Variants in MRO observed in about 807,000 individuals in gnomAD.
MRO encodes the protein maestro.
Under a neutral mutation model 31.0 loss-of-function variants are expected in MRO, and 28 were observed. That is an observed-to-expected ratio of 0.90 (90% CI 0.67 to 1.24). The LOEUF is 1.24. MRO is among the 50% of genes most tolerant of loss of function. The pLI is 0.00. For missense variants in MRO, 332 were observed against 289.2 expected (o/e 1.15, Z -1.07); for synonymous variants, 108 against 108.4 (o/e 1.00, Z 0.02).
At chr18:50,822,451 G>A (rs559035445), upstream of MRO, among the ~76,000 whole-genome samples, 4 of 152,208 alleles carry the variant, frequency 2.6e-5, no homozygotes, top group South Asian at 8.3e-4. Context: ...CGAATCTTAC[G>A]CCTCAGCCTA....
At chr18:50,801,188 TAC>T (rs1305346927) in intron 6 of MRO, among the ~76,000 whole-genome samples, 159 bp downstream of exon 6, 1 of 152,128 alleles carries the variant, frequency 6.6e-6, no homozygotes, top group African/African-American at 2.4e-5. Flanking sequence ...AAAGAGAGAT[TAC>T]ACACCAAAGA....
intron 5 of MRO, among the ~76,000 whole-genome samples, chr18:50,804,656 G>A (rs1210079604): frequency 2.0e-5 from 3 of 152,000 alleles, no homozygotes; most frequent in Non-Finnish European, 2.9e-5. Context: ...GAGGGTTAGA[G>A]ATAAAATTCT....
upstream of MRO, among the ~76,000 whole-genome samples, chr18:50,823,297 G>A (rs1915377468): frequency 6.6e-6 from 1 of 152,110 alleles, no homozygotes; most frequent in African/African-American, 2.4e-5. Flanking sequence ...AAGGTCTTTT[G>A]GCTGCTAATC....
intron 5 of MRO, among the ~76,000 whole-genome samples, chr18:50,803,072 G>A (rs17742992): frequency 0.14 from 21,143 of 152,094 alleles, 1,598 homozygotes; most frequent in South Asian, 0.24. Flanking sequence ...ACACACGCAC[G>A]GGTGAGCTTC....
At position 50,819,980 on chromosome 18, in the gene MRO, C is replaced by G. The variant is rs1478760079; in HGVS notation, c.-210G>C. On this transcript the variant is annotated 5_prime_UTR_variant, in exon 1 of 8. Coordinates refer to ENST00000398439, the MANE Select transcript of MRO (RefSeq NM_031939.6). ...CCTTCTTCCCTCATGCCAGCCTGGT[C>G]GACACTTTCTGCAGAAATTCTGCAG... is the stretch of plus-strand genomic sequence containing the variant. The G allele has an allele frequency of 3.2e-6, 5 of 1,550,582 alleles. No individual in the cohort carries two copies. The highest frequency in any genetic ancestry group is 4.9e-5 in the East Asian group (2 of 40,906).
At position 50,814,163 on chromosome 18, in the gene MRO, C is replaced by T. The variant is rs142809724; in HGVS notation, c.-4-4759G>A. On this transcript the variant is annotated intron_variant, in intron 2 of 7. Coordinates refer to ENST00000398439, the MANE Select transcript of MRO (RefSeq NM_031939.6). ...CAATGGGTACAGGGAGACTAAAAGA[C>T]GTAAAACTCCTGTCCCATGTTGAAC... Among the ~76,000 whole-genome samples the T allele has an allele frequency of 1.6e-4, 24 of 152,068 alleles. No individual in the cohort carries two copies. The East Asian group carries it at 4.5e-3, about 28-fold the overall frequency.
intron 2 of MRO, chr18:50,815,717 T>C (rs1416421923): frequency 2.4e-5 from 11 of 455,408 alleles, no homozygotes; most frequent in Non-Finnish European, 3.5e-5. Context: ...ATGGTGGATA[T>C]GGTAACAGAA....
rs1457179104 is a variant in MRO, at chr18:50,819,533, G to A, written c.-5+48C>T. ...GGTTTTGGGAACCCAAGTGCAGCCA[G>A]GACGCCTCCCGCTGCATCTGGCTGC... On this transcript the variant is annotated intron_variant, in intron 2 of 7. Transcript: ENST00000398439. 3.2e-6 allele frequency: 5 copies of A among 1,548,570 alleles called. No homozygotes were observed. The East Asian group carries it at 1.2e-4, about 38-fold the overall frequency.
chr18:50,821,738 T>G (rs983832007), upstream of MRO, among the ~76,000 whole-genome samples: 5 of 152,240 alleles, frequency 3.3e-5, no homozygotes, highest in Admixed American at 3.3e-4. Context: ...GTATCTTCTC[T>G]ACTGTTAAAT....
rs574138774 is a variant in MRO, at chr18:50,795,585, C to T, written c.*3752G>A. On this transcript the variant is annotated 3_prime_UTR_variant, in exon 8 of 8. Coordinates refer to ENST00000398439, the MANE Select transcript of MRO (RefSeq NM_031939.6). ...GAATTGGTCACACCTGTTAGATTCT[C>T]AGCCTCCTCCTTTGTCATTTTCTCT... 2 of 152,244 alleles carry T rather than the reference C, an allele frequency of 1.3e-5. No homozygotes were observed. The highest frequency in any genetic ancestry group is 4.8e-5 in the African/African-American group (2 of 41,446). 9.4% of individuals were successfully genotyped at this position (152,244 alleles called of 1,614,324 possible). A position where few individuals can be genotyped will look rare whatever the true frequency, so the allele number is the denominator to read the frequency against.
chr18:50,804,283 GTCAA>G (rs531952168), intron 5 of MRO, among the ~76,000 whole-genome samples: 151 of 152,312 alleles, frequency 9.9e-4, no homozygotes, highest in Admixed American at 2.1e-3. Context: ...CTACATGTTA[GTCAA>G]TCAGTGTACA....
intron 2 of MRO, 166 bp downstream of exon 2, chr18:50,819,415 T>C: frequency 4.1e-6 from 4 of 985,160 alleles, no homozygotes; most frequent in Non-Finnish European, 4.8e-6. Flanking sequence ...CTGGTCAACA[T>C]TGCCCACTTC....
At chr18:50,820,992 G>A (rs1915281722), upstream of MRO, among the ~76,000 whole-genome samples, 1 of 152,212 alleles carries the variant, frequency 6.6e-6, no homozygotes. Context: ...TGTGACATTT[G>A]AGGACACAAT....
At chr18:50,811,837 G>A (rs1324233237) in intron 2 of MRO, among the ~76,000 whole-genome samples, 1 of 146,688 alleles carries the variant, frequency 6.8e-6, no homozygotes, top group African/African-American at 2.5e-5. Flanking sequence ...CTGACCCTGG[G>A]TTCAAGGGAT....
chr18:50,821,872 A>G (rs1915316847), upstream of MRO, among the ~76,000 whole-genome samples: 1 of 152,202 alleles, frequency 6.6e-6, no homozygotes. Context: ...CCTCAGCTCT[A>G]CTAAACACTT....
In MRO at chr18:50,798,852, T is replaced by G. The variant is rs1402663543; in HGVS notation, c.*485A>C. ...ACCTTCTTGGTATCTTGGCCAACTTTAAATAAATCTTGGCAAGTAAAGGTA... is the reference window on the plus strand; with the variant it reads ...ACCTTCTTGGTATCTTGGCCAACTTGAAATAAATCTTGGCAAGTAAAGGTA... On this transcript the variant is annotated 3_prime_UTR_variant, in exon 8 of 8. Coordinates refer to ENST00000398439, the MANE Select transcript of MRO (RefSeq NM_031939.6). 6.6e-6 allele frequency: 1 copy of G among 151,476 alleles called. No homozygotes were observed. The highest frequency in any genetic ancestry group is 2.4e-5 in the African/African-American group (1 of 41,036). 9.4% of individuals were successfully genotyped at this position (151,476 alleles called of 1,614,324 possible).
intron 2 of MRO, among the ~76,000 whole-genome samples, chr18:50,813,223 C>T (rs752991591): frequency 3.3e-5 from 5 of 152,168 alleles, no homozygotes; most frequent in South Asian, 2.1e-4. Flanking sequence ...ACTCCCTCAC[C>T]GCCTAACTTC....
chr18:50,809,441 G>A (rs1249681041), intron 2 of MRO, 37 bp from the exon 3 acceptor site: 1 of 1,379,130 alleles, frequency 7.3e-7, no homozygotes, highest in Admixed American at 1.7e-5. Context: ...ATGCGCCACA[G>A]ACACTCATCA....
intron 7 of MRO, 88 bp from the exon 8 acceptor site, chr18:50,799,478 G>A: frequency 8.8e-7 from 1 of 1,132,510 alleles, no homozygotes; most frequent in Non-Finnish European, 1.3e-6. Flanking sequence ...TCAGTGCAGG[G>A]CATGTGGATA....
Sources: gnomAD v4.1 joint callset for allele counts (sites outside exome capture counted in the v4.1 genomes callset) on GRCh38, gnomAD v4.1.1 for gene constraint, MANE v1.5 for transcripts, NCBI Gene and HGNC (gene_info 2026-07-23, HGNC 2026-07-21) for gene names.